The following FAM107B variants were observed in gnomAD, a reference collection of about 807,000 sequenced individuals.
The protein encoded by FAM107B is protein FAM107B.
Under a neutral mutation model 31.5 loss-of-function variants are expected in FAM107B, and 21 were observed. That is an observed-to-expected ratio of 0.67 (90% CI 0.47 to 0.96). The LOEUF is 0.96. Among genes scored for constraint, FAM107B ranks in the 40% least tolerant of loss-of-function variants. The pLI is 0.00. For missense variants in FAM107B, 452 were observed against 377.1 expected (o/e 1.20, Z -1.64); for synonymous variants, 157 against 141.5 (o/e 1.11, Z -0.78).
chr10:14,693,918 C>T (rs1935144783), intron 1 of FAM107B, among the ~76,000 whole-genome samples: 1 of 152,146 alleles, frequency 6.6e-6, no homozygotes, highest in South Asian at 2.1e-4. Context: ...TGTCTATGTA[C>T]AGTATTTGTT....
intron 2 of FAM107B, among the ~76,000 whole-genome samples, chr10:14,543,392 C>G (rs1208529042): frequency 1.3e-5 from 2 of 152,106 alleles, no homozygotes; most frequent in Non-Finnish European, 2.9e-5. Flanking sequence ...CACTCTGAAG[C>G]CTTTGGAGAC....
intron 2 of FAM107B, chr10:14,571,886 T>A: frequency 2.0e-6 from 2 of 985,414 alleles, no homozygotes; most frequent in Middle Eastern, 5.2e-4. Context: ...CATCAAGGCC[T>A]AAGTGACGAA....
At position 14,774,331 on chromosome 10, in the gene FAM107B, G is replaced by A. The variant is rs138526773; in HGVS notation, c.333C>T (p.Ser111=). The A allele has an allele frequency of 7.1e-5, 115 of 1,614,214 alleles. No homozygotes were observed. The African/African-American group carries it at 1.5e-3, about 21-fold the overall frequency. The change falls in exon 1 of 5, where the codon TCC becomes TCT. Residue 111 remains serine, a synonymous_variant. Coordinates refer to ENST00000181796, the MANE Select transcript of FAM107B (RefSeq NM_031453.4). ...PAETPEDVPG[S]LDDGADCEAV... is the part of the protein sequence containing the mutation. The stretch of plus-strand genomic sequence containing the variant: ...CTTCACAGTCCGCCCCATCATCCAG[G>A]GACCCGGGCACATCTTCAGGCGTCT...
At position 14,667,810 on chromosome 10, in the gene FAM107B, A is replaced by T. The variant is rs1854444477; in HGVS notation, c.412-119T>A. ...TGAGATCAAGACTTGAAAAACTTAAACCACACCTTAAAGAACTGAGGTTTT... is the reference window on the plus strand; with the variant it reads ...TGAGATCAAGACTTGAAAAACTTAATCCACACCTTAAAGAACTGAGGTTTT... On this transcript the variant is annotated intron_variant, in intron 1 of 4. Coordinates refer to ENST00000181796, the MANE Select transcript of FAM107B (RefSeq NM_031453.4). The T allele has an allele frequency of 3.0e-6, 3 of 991,554 alleles. No homozygotes were observed. The South Asian group carries it at 4.5e-5, about 15-fold the overall frequency. 61.4% of individuals were successfully genotyped at this position (991,554 alleles called of 1,614,324 possible).
intron 1 of FAM107B, among the ~76,000 whole-genome samples, chr10:14,689,830 G>C (rs895612316): frequency 4.6e-5 from 7 of 151,894 alleles, no homozygotes; most frequent in African/African-American, 1.7e-4. Context: ...GGGTGTGGTA[G>C]TGCATTCCTA....
chr10:14,593,484 C>A (rs1039568962), intron 2 of FAM107B, among the ~76,000 whole-genome samples: 31 of 151,964 alleles, frequency 2.0e-4, no homozygotes, highest in Admixed American at 1.1e-3. Flanking sequence ...TCGAGACCAG[C>A]CTGGCCAATA....
intron 2 of FAM107B, among the ~76,000 whole-genome samples, chr10:14,604,016 G>A (rs1206330276): frequency 6.8e-6 from 1 of 146,372 alleles, no homozygotes. Context: ...CCCCCCGCAC[G>A]GCCCCGCCGC....
intron 1 of FAM107B, among the ~76,000 whole-genome samples, chr10:14,677,211 C>T (rs1402620331): frequency 6.6e-6 from 1 of 152,162 alleles, no homozygotes; most frequent in African/African-American, 2.4e-5. Context: ...CAAAGTCATG[C>T]TTCTCAAAAA....
intron 3 of FAM107B, among the ~76,000 whole-genome samples, chr10:14,524,126 C>T (rs978851155): frequency 4.0e-5 from 6 of 151,568 alleles, no homozygotes; most frequent in South Asian, 2.1e-4. Flanking sequence ...ACTGCAACTT[C>T]CTCCTCCCAG....
chr10:14,681,476 A>C (rs756193282), intron 1 of FAM107B, among the ~76,000 whole-genome samples: 46 of 152,170 alleles, frequency 3.0e-4, no homozygotes, highest in Admixed American at 9.2e-4. Flanking sequence ...CATGTTTCAA[A>C]GGCAGATAAG....
At chr10:14,734,837 A>G (rs1167976019) in intron 1 of FAM107B, among the ~76,000 whole-genome samples, 1 of 152,088 alleles carries the variant, frequency 6.6e-6, no homozygotes, top group African/African-American at 2.4e-5. Context: ...TTGTGCTTTT[A>G]AATAGTTCAT....
intron 2 of FAM107B, among the ~76,000 whole-genome samples, chr10:14,571,013 C>T (rs35342583): frequency 0.16 from 24,082 of 152,080 alleles, 2,308 homozygotes; most frequent in Middle Eastern, 0.28. Flanking sequence ...CCTTAAACAA[C>T]ACTTGTCTAT....
At chr10:14,678,542 G>C (rs776928124) in intron 1 of FAM107B, among the ~76,000 whole-genome samples, 14 of 152,072 alleles carry the variant, frequency 9.2e-5, no homozygotes, top group Admixed American at 6.5e-4. Context: ...TCAACAAAGA[G>C]GACAGATGGA....
At chr10:14,629,940 A>G (rs1175412479) in intron 2 of FAM107B, among the ~76,000 whole-genome samples, 1 of 152,234 alleles carries the variant, frequency 6.6e-6, no homozygotes, top group Non-Finnish European at 1.5e-5. Context: ...CGTGTAAATC[A>G]CAAAACTGCA....
At chr10:14,711,292 C>T (rs1486060538) in intron 1 of FAM107B, among the ~76,000 whole-genome samples, 1 of 152,200 alleles carries the variant, frequency 6.6e-6, no homozygotes, top group Non-Finnish European at 1.5e-5. Context: ...TGTCCTAGGC[C>T]TTTAGATTCA....
chr10:14,628,112 G>GGTTTTTTTTGTTTTTTTTTTTTTTTTTTT (rs1440347763), intron 2 of FAM107B, among the ~76,000 whole-genome samples: 1 of 92,676 alleles, frequency 1.1e-5, no homozygotes, highest in East Asian at 4.4e-4. Flanking sequence ...TGTTTTGCTG[G>GGTTTTTTTTGTTTTTTTTTTTTTTTTTTT]TTTTTTTTTT....
At chr10:14,624,808 A>C (rs2131407423) in intron 2 of FAM107B, among the ~76,000 whole-genome samples, 1 of 152,344 alleles carries the variant, frequency 6.6e-6, no homozygotes, top group South Asian at 2.1e-4. Flanking sequence ...TCAATAATAC[A>C]GAGGTCTGAG....
intron 2 of FAM107B, among the ~76,000 whole-genome samples, chr10:14,537,328 G>A (rs1341503470): frequency 6.6e-6 from 1 of 152,192 alleles, no homozygotes; most frequent in Non-Finnish European, 1.5e-5. Context: ...CTGTCACTTG[G>A]TCCTCATACG....
chr10:14,675,671 T>C (rs1427123929), intron 1 of FAM107B, among the ~76,000 whole-genome samples: 2 of 152,204 alleles, frequency 1.3e-5, no homozygotes, highest in East Asian at 3.8e-4. Context: ...TTAGGAGCCA[T>C]ATAACAAAGA....
Sources: allele counts gnomAD v4.1 joint callset (sites outside exome capture counted in the v4.1 genomes callset), GRCh38; gene constraint gnomAD v4.1.1; transcripts MANE v1.5; gene names NCBI Gene and HGNC (gene_info 2026-07-23, HGNC 2026-07-21).